CEP170: variants seen among roughly 807,000 people sequenced by gnomAD.
CEP170 encodes the protein centrosomal protein of 170 kDa.
In CEP170, 21 loss-of-function variants were observed where a neutral mutation model predicts 151.9. The observed-to-expected ratio is 0.14, with a 90% CI of 0.10 to 0.20. The LOEUF (loss-of-function observed/expected upper bound fraction) is 0.20, where lower values mean the gene tolerates loss of function less well. CEP170 is among the 10% of genes least tolerant of loss of function. The pLI is 1.00. For synonymous variants in CEP170, 356 were observed against 648.8 expected (o/e 0.55, Z 6.86); for missense variants, 964 against 1,892.9 (o/e 0.51, Z 9.11).
chr1:243,220,863 C>T (rs13376280), intron 3 of CEP170, among the ~76,000 whole-genome samples: 7,823 of 152,206 alleles, frequency 0.051, 665 homozygotes, highest in African/African-American at 0.18. Context: ...AAATTCACTT[C>T]AGTAACACAA....
chr1:243,214,288 T>TG (rs1470770917), intron 3 of CEP170, among the ~76,000 whole-genome samples: 1 of 145,950 alleles, frequency 6.9e-6, no homozygotes, highest in Admixed American at 6.8e-5. Flanking sequence ...AAGTTTTTTT[T>TG]TTTTTTTTTT....
intron 1 of CEP170, among the ~76,000 whole-genome samples, chr1:243,239,430 T>C (rs980586010): frequency 6.6e-6 from 1 of 152,174 alleles, no homozygotes; most frequent in Non-Finnish European, 1.5e-5. Context: ...CCTCCCACTC[T>C]CCAAATCCTT....
chr1:243,143,576 A>C (rs1451357417), intron 14 of CEP170, among the ~76,000 whole-genome samples: 1 of 152,144 alleles, frequency 6.6e-6, no homozygotes, highest in Non-Finnish European at 1.5e-5. Flanking sequence ...TTTCATTTCA[A>C]TAAGACATTA....
intron 1 of CEP170, among the ~76,000 whole-genome samples, chr1:243,237,920 A>G (rs1463305777): frequency 6.6e-6 from 1 of 152,140 alleles, no homozygotes; most frequent in East Asian, 1.9e-4. Flanking sequence ...AGACAGCATC[A>G]TTATGACTTT....
intron 1 of CEP170, among the ~76,000 whole-genome samples, chr1:243,237,480 C>T (rs1042062949): frequency 1.3e-5 from 2 of 152,108 alleles, no homozygotes; most frequent in African/African-American, 2.4e-5. Flanking sequence ...GGATCGCTTT[C>T]GTTAAATACC....
chr1:243,126,706 A>G lies in CEP170; in HGVS notation c.4498T>C (p.Leu1500=). 3 of 1,543,046 alleles carry G rather than the reference A, an allele frequency of 1.9e-6. No homozygotes were observed. Among genetic ancestry groups the G allele is most frequent in the African/African-American group, 1.4e-5 (1 of 72,772 alleles). The part of the protein sequence containing the change: ...INAMIDPDGT[L]EALNNMGFPS... ...AATCCCATGTTGTTCAGAGCCTCCA[A>G]AGTTCCATCAGGATCAATCATAGCA... Residue 1500 remains leucine (L), a synonymous_variant, in exon 20 of 20, where the codon TTG becomes CTG. Coordinates refer to ENST00000366542, the MANE Select transcript of CEP170 (RefSeq NM_014812.3).
At chr1:243,178,971 C>T (rs547339767) in intron 10 of CEP170, among the ~76,000 whole-genome samples, 8 of 152,330 alleles carry the variant, frequency 5.3e-5, no homozygotes, top group Non-Finnish European at 8.8e-5. Flanking sequence ...CCCGCCTTGG[C>T]CTCCCAAAGT....
At chr1:243,210,949 T>C (rs193244804) in intron 4 of CEP170, among the ~76,000 whole-genome samples, 1 of 152,156 alleles carries the variant, frequency 6.6e-6, no homozygotes, top group Admixed American at 6.5e-5. Context: ...CAAGGAACAA[T>C]TTTATAGTGT....
At chr1:243,139,048 A>C (rs2055483864) in intron 16 of CEP170, among the ~76,000 whole-genome samples, 1 of 152,078 alleles carries the variant, frequency 6.6e-6, no homozygotes, top group Non-Finnish European at 1.5e-5. Flanking sequence ...GTTTCTCTGA[A>C]TGCTTGTTAA....
intron 4 of CEP170, among the ~76,000 whole-genome samples, chr1:243,210,463 A>G (rs1385956390): frequency 6.6e-6 from 1 of 151,898 alleles, no homozygotes; most frequent in Admixed American, 6.5e-5. Context: ...TTTTTTAAAG[A>G]CTTAAAATAT....
chr1:243,166,271 A>C (rs1326770371), intron 12 of CEP170, among the ~76,000 whole-genome samples, 155 bp from the exon 13 acceptor site: 1 of 152,230 alleles, frequency 6.6e-6, no homozygotes, highest in Non-Finnish European at 1.5e-5. Flanking sequence ...TGAGTACCTT[A>C]TATAAAGTGG....
intron 2 of CEP170, among the ~76,000 whole-genome samples, chr1:243,223,516 G>A (rs2062986234): frequency 1.3e-5 from 2 of 152,192 alleles, no homozygotes; most frequent in South Asian, 4.1e-4. Context: ...CAACTTGTTT[G>A]AAATCTGGAA....
At chr1:243,186,894 T>C (rs1558534937) in intron 8 of CEP170, among the ~76,000 whole-genome samples, 2 of 152,244 alleles carry the variant, frequency 1.3e-5, no homozygotes, top group Admixed American at 6.5e-5. Flanking sequence ...AAAAATGTGA[T>C]GAATCTTAAG....
Position 243,126,715 on chromosome 1 carries a change from C to T in CEP170, c.4489G>A (p.Asp1497Asn), listed in dbSNP as rs774475845. ...LQAINAMIDPDGTLEALNNMG... is the reference protein window; with the variant it reads ...LQAINAMIDPNGTLEALNNMG... Reference sequence around the variant, plus strand: ...TTGTTCAGAGCCTCCAAAGTTCCATCAGGATCAATCATAGCATTGATTGCT... The same window carrying T: ...TTGTTCAGAGCCTCCAAAGTTCCATTAGGATCAATCATAGCATTGATTGCT... The change falls in exon 20 of 20, where the codon GAT becomes AAT. Residue 1497 changes from aspartate (D) to asparagine (N), a missense_variant. Transcript: ENST00000366542. 18 of 1,544,760 alleles carry T rather than the reference C, an allele frequency of 1.2e-5. No individual in the cohort carries two copies. The Admixed American group carries it at 3.5e-4, about 30-fold the overall frequency.
chr1:243,170,194 T>C (rs1352838648), intron 11 of CEP170, among the ~76,000 whole-genome samples: 1 of 149,586 alleles, frequency 6.7e-6, no homozygotes, highest in Non-Finnish European at 1.5e-5. Context: ...GAGACCACCC[T>C]GGCCAACATG....
At position 243,159,981 on chromosome 1, in the gene CEP170, G is replaced by A. The variant is rs1189177804; in HGVS notation, c.3677-3526C>T. ...TTTTTGTAGTTTTAGTAGAGACGGAGTTTCACCATGTTGGCCAGGCTGATC... is the reference window on the plus strand; with the variant it reads ...TTTTTGTAGTTTTAGTAGAGACGGAATTTCACCATGTTGGCCAGGCTGATC... On this transcript the variant is annotated intron_variant, in intron 13 of 19. Coordinates refer to ENST00000366542, the MANE Select transcript of CEP170 (RefSeq NM_014812.3). Among the ~76,000 whole-genome samples the A allele has an allele frequency of 5.3e-5, 8 of 152,202 alleles. No homozygotes were observed. In the East Asian group the frequency reaches 1.4e-3, roughly 26 times the overall value.
At position 243,225,245 on chromosome 1, in the gene CEP170, T is replaced by C; in HGVS notation, c.36A>G (p.Gly12=). Residue 12 remains glycine (G), a synonymous_variant, in exon 2 of 20, where the codon GGA becomes GGG. Transcript: ENST00000366542. The part of the protein sequence containing the change: ...SLTSWFLVSS[G]GTRHRLPREM... ...CTCGTGGCAGCCTGTGGCGAGTGCC[T>C]CCACTGCTCACCAAAAACCAGGATG... The C allele has an allele frequency of 6.3e-7, 1 of 1,596,876 alleles. No individual in the cohort carries two copies. Among genetic ancestry groups the C allele is most frequent in the Non-Finnish European group, 8.5e-7 (1 of 1,172,488 alleles).
In CEP170 at chr1:243,238,388, G is replaced by C. The variant is rs139907372; in HGVS notation, c.-41-13067C>G. On this transcript the variant is annotated intron_variant, in intron 1 of 19. Transcript: ENST00000366542. ...ATAGGAAGATCGCTTGGGCCCAGGA[G>C]GTCAAGGATGCAGTGAGCCAAGACT... 8.0e-3 allele frequency among the ~76,000 whole-genome samples: 1,223 copies of C among 152,258 alleles called. 16 individuals are homozygous for C. Among genetic ancestry groups the C allele is most frequent in the African/African-American group, 0.028 (1,146 of 41,540 alleles).
Position 243,243,223 on chromosome 1 carries a change from G to A in CEP170, c.-42+11817C>T, listed in dbSNP as rs369008683. Among the ~76,000 whole-genome samples, 8 of 152,116 alleles carry A rather than the reference G, an allele frequency of 5.3e-5. No homozygotes were observed. In the South Asian group the frequency reaches 1.7e-3, roughly 32 times the overall value. ...TGGGCGACAGAGTGAGAGAGAGGGA[G>A]GGAGAAAGGAAGGAAGGAAAGAGTC... is the stretch of plus-strand genomic sequence containing the variant. On this transcript the variant is annotated intron_variant, in intron 1 of 19. Coordinates refer to ENST00000366542, the MANE Select transcript of CEP170 (RefSeq NM_014812.3).
Sources: allele counts gnomAD v4.1 joint callset (sites outside exome capture counted in the v4.1 genomes callset), GRCh38; gene constraint gnomAD v4.1.1; transcripts MANE v1.5; gene names NCBI Gene and HGNC (gene_info 2026-07-23, HGNC 2026-07-21).